Variants in PTPRG observed in about 807,000 individuals in gnomAD.
PTPRG encodes protein tyrosine phosphatase receptor type G.
Under a neutral mutation model 165.3 loss-of-function variants are expected in PTPRG, and 102 were observed. That is an observed-to-expected ratio of 0.62 (90% CI 0.53 to 0.73). The LOEUF (loss-of-function observed/expected upper bound fraction) is 0.73, where lower values mean the gene tolerates loss of function less well. Ranked by LOEUF, PTPRG falls within the 30% of genes least tolerant of loss-of-function variation. The pLI is 0.00. For synonymous variants in PTPRG, 675 were observed against 669.5 expected (o/e 1.01, Z -0.13); for missense variants, 1,866 against 1,861.4 (o/e 1.00, Z -0.05).
At chr3:62,011,153 G>T (rs2041413589) in intron 4 of PTPRG, among the ~76,000 whole-genome samples, 1 of 152,194 alleles carries the variant, frequency 6.6e-6, no homozygotes, top group Non-Finnish European at 1.5e-5. Flanking sequence ...TGCGCATGCA[G>T]GCCCTTAGAC....
chr3:62,083,306 G>T (rs1701642860), intron 5 of PTPRG, among the ~76,000 whole-genome samples: 1 of 147,666 alleles, frequency 6.8e-6, no homozygotes, highest in Non-Finnish European at 1.5e-5. Context: ...TCACTATGTT[G>T]CTCAGGCAGG....
At chr3:62,030,307 T>C (rs1045307661) in intron 4 of PTPRG, among the ~76,000 whole-genome samples, 1 of 152,278 alleles carries the variant, frequency 6.6e-6, no homozygotes. Flanking sequence ...CAAACTGATA[T>C]TTATCGAGCT....
intron 4 of PTPRG, among the ~76,000 whole-genome samples, chr3:62,024,429 A>G (rs942623696): frequency 1.3e-5 from 2 of 152,140 alleles, no homozygotes; most frequent in Non-Finnish European, 2.9e-5. Flanking sequence ...TAGAGCATAC[A>G]CTTTTTAATG....
intron 2 of PTPRG, among the ~76,000 whole-genome samples, chr3:61,904,230 A>G (rs1212876439): frequency 1.6e-4 from 25 of 152,160 alleles, no homozygotes; most frequent in Admixed American, 1.6e-3. Context: ...CCACCACTTG[A>G]AACTGGGCCC....
At chr3:62,281,502 G>A (rs1366286692) in intron 26 of PTPRG, 61 bp from the exon 27 acceptor site, 32 of 1,349,756 alleles carry the variant, frequency 2.4e-5, no homozygotes, top group Admixed American at 6.5e-5. Context: ...CCGTATGCAA[G>A]AAATAGAAAA....
chr3:62,179,167 C>T (rs576758046), intron 8 of PTPRG, among the ~76,000 whole-genome samples: 11 of 152,192 alleles, frequency 7.2e-5, no homozygotes, highest in Non-Finnish European at 1.5e-4. Flanking sequence ...GAAACAGTCT[C>T]ATCTCCCTGC....
intron 4 of PTPRG, among the ~76,000 whole-genome samples, chr3:62,018,314 C>G (rs987893618): frequency 2.6e-5 from 4 of 152,194 alleles, no homozygotes; most frequent in African/African-American, 7.2e-5. Context: ...AAACCTTCAG[C>G]TGACAGTCTG....
rs114898281 is a variant in PTPRG, at chr3:62,054,779, C to T, written c.520-23384C>T. ...ATTGTTCCTTCATTTATGAAGCGTA[C>T]GGGAGTATGTGACAGGGAATTCAAA... On this transcript the variant is annotated intron_variant, in intron 4 of 29. Transcript: ENST00000474889. Among the ~76,000 whole-genome samples, 994 of 152,220 alleles carry T rather than the reference C, an allele frequency of 6.5e-3. 15 individuals carry two copies. The highest frequency in any genetic ancestry group is 0.022 in the African/African-American group (915 of 41,508).
intron 6 of PTPRG, among the ~76,000 whole-genome samples, chr3:62,137,088 A>G (rs141552633): frequency 1.4e-4 from 21 of 152,296 alleles, no homozygotes; most frequent in Middle Eastern, 3.4e-3. Context: ...GGTCCCATCT[A>G]TCTACTCATG....
chr3:62,203,046 A>T lies in PTPRG; in HGVS notation c.1378-127A>T. 1.4e-6 allele frequency: 2 copies of T among 1,453,988 alleles called. No individual in the cohort carries two copies. The highest frequency in any genetic ancestry group is 1.8e-6 in the Non-Finnish European group (2 of 1,097,198). 90.1% of individuals were successfully genotyped at this position (1,453,988 alleles called of 1,614,324 possible). On this transcript the variant is annotated intron_variant, in intron 11 of 29. Transcript: ENST00000474889. The surrounding 1 kb of genome is among the most constrained non-coding windows in gnomAD (Gnocchi z 6.4). ...TTTATGCCATACATTGGAAAACTCC[A>T]TAGCATAGATGAGTAAAATCCTCAG...
At chr3:61,695,568 A>G (rs1422541985) in intron 1 of PTPRG, among the ~76,000 whole-genome samples, 1 of 152,192 alleles carries the variant, frequency 6.6e-6, no homozygotes, top group Non-Finnish European at 1.5e-5. Flanking sequence ...GCAGGGTCCA[A>G]CTTCATACAC....
chr3:62,279,990 ACCT>A (rs1248783642), intron 26 of PTPRG, among the ~76,000 whole-genome samples: 1 of 151,966 alleles, frequency 6.6e-6, no homozygotes, highest in African/African-American at 2.4e-5. Context: ...ACAGTCTCCA[ACCT>A]ATGCAACAAT....
intron 8 of PTPRG, among the ~76,000 whole-genome samples, chr3:62,168,609 A>T (rs1705090266): frequency 6.6e-6 from 1 of 152,172 alleles, no homozygotes; most frequent in African/African-American, 2.4e-5. Flanking sequence ...CTGCTCAGAC[A>T]CATAAGGTCT....
At chr3:61,747,682 T>C (rs1203058719) in intron 1 of PTPRG, among the ~76,000 whole-genome samples, 3 of 152,202 alleles carry the variant, frequency 2.0e-5, no homozygotes, top group African/African-American at 7.2e-5. Flanking sequence ...GCTAATAATA[T>C]CTTGGCGATA....
chr3:62,062,944 A>G (rs558774267), intron 4 of PTPRG, among the ~76,000 whole-genome samples: 1 of 152,150 alleles, frequency 6.6e-6, no homozygotes, highest in Non-Finnish European at 1.5e-5. Flanking sequence ...ATGAGCCACC[A>G]TGCCCAGCCA....
chr3:62,148,486 G>A (rs1180300575), intron 6 of PTPRG, among the ~76,000 whole-genome samples: 1 of 152,198 alleles, frequency 6.6e-6, no homozygotes, highest in Non-Finnish European at 1.5e-5. Context: ...GAGGCTGGGC[G>A]TGGGTGCCCA....
At chr3:61,914,284 G>C (rs563890181) in intron 2 of PTPRG, among the ~76,000 whole-genome samples, 7 of 152,278 alleles carry the variant, frequency 4.6e-5, no homozygotes, top group African/African-American at 1.7e-4. Flanking sequence ...GCTGGAATAA[G>C]GTATAAAGTT....
chr3:62,023,891 A>G (rs1399089838), intron 4 of PTPRG, among the ~76,000 whole-genome samples: 2 of 152,144 alleles, frequency 1.3e-5, no homozygotes, highest in Non-Finnish European at 2.9e-5. Context: ...TAATCCTTCA[A>G]TAATGGTGTT....
intron 2 of PTPRG, among the ~76,000 whole-genome samples, chr3:61,866,465 A>G (rs1183671214): frequency 6.6e-6 from 1 of 152,024 alleles, no homozygotes. Context: ...GGAGAAAGCA[A>G]GGGCAAGTCC....
Sources: allele counts gnomAD v4.1 joint callset (sites outside exome capture counted in the v4.1 genomes callset), GRCh38; gene constraint gnomAD v4.1.1; non-coding constraint Gnocchi (gnomAD v3.1); transcripts MANE v1.5; gene names NCBI Gene and HGNC (gene_info 2026-07-23, HGNC 2026-07-21).